Variants in EYS observed in about 807,000 individuals in gnomAD.
EYS encodes protein eyes shut homolog.
EYS carries 250 observed loss-of-function variants against 282.1 expected under a neutral mutation model. The observed-to-expected ratio is 0.89, with a 90% CI of 0.80 to 0.98. EYS has a LOEUF of 0.98. EYS is among the 50% of genes least tolerant of loss of function. The probability of loss-of-function intolerance (pLI) is 0.00; values close to 1 mark genes in which losing one functional copy is unlikely to be tolerated. For synonymous variants in EYS, 1,355 were observed against 1,282.9 expected, an observed-to-expected ratio of 1.06 and a Z score of -1.20; for missense variants, 4,016 against 3,709.0, an observed-to-expected ratio of 1.08 and a Z score of -2.15.
In EYS at chr6:65,443,323, T is replaced by G. The variant is rs957719609; in HGVS notation, c.863-37956A>C. On this transcript the variant is annotated intron_variant, in intron 5 of 42. Coordinates refer to ENST00000503581, the MANE Select transcript of EYS (RefSeq NM_001142800.2). ...ACATGTGTGTACACATATAGACATA[T>G]ATGCATACATGTATGTACACATATA... 5.3e-5 allele frequency among the ~76,000 whole-genome samples: 7 copies of G among 132,252 alleles called. 1 individual carries two copies. The highest frequency in any genetic ancestry group is 1.2e-4 in the Non-Finnish European group (7 of 58,018). The allele number at this position is 132,252 out of a possible 152,430, so 86.8% of individuals were successfully genotyped here.
At chr6:64,397,245 G>A (rs1032003189) in intron 28 of EYS, among the ~76,000 whole-genome samples, 2 of 151,876 alleles carry the variant, frequency 1.3e-5, no homozygotes, top group Non-Finnish European at 2.9e-5. Context: ...CATATGTTAA[G>A]GAATTTTTAC....
intron 41 of EYS, chr6:63,742,094 C>T (rs1562004767): frequency 1.5e-6 from 1 of 649,042 alleles, no homozygotes; most frequent in Non-Finnish European, 2.9e-6. Context: ...TTTAACTCTT[C>T]ACTTGTACAT....
chr6:64,725,744 G>A (rs560430114), intron 22 of EYS, among the ~76,000 whole-genome samples: 31 of 151,576 alleles, frequency 2.0e-4, no homozygotes, highest in Admixed American at 1.6e-3. Flanking sequence ...CATCCTCAAC[G>A]TTCATTTTAT....
At chr6:63,876,923 A>G (rs1772989081) in intron 35 of EYS, among the ~76,000 whole-genome samples, 1 of 152,016 alleles carries the variant, frequency 6.6e-6, no homozygotes. Context: ...TCTTTATCCA[A>G]TTTGCTAGTC....
At chr6:64,045,383 G>GTTTAT (rs548483513) in intron 33 of EYS, among the ~76,000 whole-genome samples, 18,638 of 137,284 alleles carry the variant, frequency 0.14, 1,327 homozygotes, top group Middle Eastern at 0.22. Flanking sequence ...GGTGAAACAA[G>GTTTAT]TTTATTTTAT....
intron 26 of EYS, among the ~76,000 whole-genome samples, chr6:64,587,261 C>A (rs1237225255): frequency 6.6e-6 from 1 of 151,972 alleles, no homozygotes. Context: ...TATAGGCTTG[C>A]TACCTTAGCT....
chr6:63,900,501 T>C (rs539367461), intron 35 of EYS, among the ~76,000 whole-genome samples: 25 of 152,238 alleles, frequency 1.6e-4, no homozygotes, highest in Admixed American at 2.6e-4. Flanking sequence ...ATCTTAAGGA[T>C]TGAGGCTGTG....
At chr6:64,371,293 G>A (rs1038866306) in intron 29 of EYS, among the ~76,000 whole-genome samples, 2 of 143,566 alleles carry the variant, frequency 1.4e-5, no homozygotes, top group African/African-American at 5.1e-5. Context: ...TCAGGAGCAG[G>A]TTGTTTGATT....
intron 8 of EYS, among the ~76,000 whole-genome samples, chr6:65,372,753 A>C (rs1170784468): frequency 2.0e-5 from 3 of 152,100 alleles, no homozygotes; most frequent in Non-Finnish European, 4.4e-5. Context: ...GAAGTTCGCC[A>C]TCCTTATGCC....
At chr6:64,223,266 T>G (rs1278712149) in intron 31 of EYS, among the ~76,000 whole-genome samples, 2 of 152,060 alleles carry the variant, frequency 1.3e-5, no homozygotes, top group East Asian at 3.8e-4. Flanking sequence ...TATTTTCTAC[T>G]TTCCATTTTT....
chr6:64,192,522 C>T (rs527706878), intron 31 of EYS, among the ~76,000 whole-genome samples: 18 of 152,062 alleles, frequency 1.2e-4, no homozygotes, highest in Middle Eastern at 3.4e-3. Flanking sequence ...TCAGAAATAA[C>T]GCCGCGTATC....
intron 22 of EYS, among the ~76,000 whole-genome samples, chr6:64,636,172 C>T (rs1466214881): frequency 6.6e-6 from 1 of 152,176 alleles, no homozygotes; most frequent in Non-Finnish European, 1.5e-5. Context: ...AAGCATCACG[C>T]TACCTGACTT....
intron 2 of EYS, among the ~76,000 whole-genome samples, chr6:65,637,565 T>C (rs1314047595): frequency 6.6e-6 from 1 of 152,154 alleles, no homozygotes; most frequent in Non-Finnish European, 1.5e-5. Context: ...CGCTGGACTC[T>C]AGCATCACTG....
At chr6:64,947,586 T>C (rs1351433868) in intron 14 of EYS, among the ~76,000 whole-genome samples, 3 of 151,762 alleles carry the variant, frequency 2.0e-5, no homozygotes, top group Non-Finnish European at 1.5e-5. Context: ...GCTCCCTACA[T>C]TGTTAACTTC....
Position 65,005,208 on chromosome 6 carries a change from G to A in EYS, c.2138-7505C>T, listed in dbSNP as rs888961037. ...CGCTGTGCTCCTGATCCAGCGAGGC[G>A]CCCATTGCCACTCCCGATCGGGCTA... On this transcript the variant is annotated intron_variant, in intron 13 of 42. Coordinates refer to ENST00000503581, the MANE Select transcript of EYS (RefSeq NM_001142800.2). 6.1e-5 allele frequency among the ~76,000 whole-genome samples: 9 copies of A among 148,058 alleles called. 2 individuals are homozygous for A. The highest frequency in any genetic ancestry group is 4.3e-4 in the South Asian group (2 of 4,606).
chr6:64,296,920 G>A (rs1769050725), intron 30 of EYS, among the ~76,000 whole-genome samples: 1 of 152,066 alleles, frequency 6.6e-6, no homozygotes, highest in Admixed American at 6.6e-5. Flanking sequence ...TATTTTTGAT[G>A]TAACTATTTT....
intron 12 of EYS, among the ~76,000 whole-genome samples, chr6:65,267,515 T>G (rs748276306): frequency 6.6e-6 from 1 of 152,048 alleles, no homozygotes; most frequent in Non-Finnish European, 1.5e-5. Flanking sequence ...TCACCCTAGA[T>G]CTGATGAATC....
intron 12 of EYS, among the ~76,000 whole-genome samples, chr6:65,150,330 T>G (rs1204309368): frequency 1.3e-5 from 2 of 151,876 alleles, no homozygotes; most frequent in Non-Finnish European, 2.9e-5. Flanking sequence ...AATTTAGGAG[T>G]TTTAATACTC....
At chr6:64,230,548 A>G (rs1468996940) in intron 31 of EYS, 44 bp downstream of exon 31, 1 of 1,385,380 alleles carries the variant, frequency 7.2e-7, no homozygotes, top group East Asian at 2.5e-5. Context: ...TTCTCTGGAG[A>G]GGTTTTTAAA....
Sources: allele counts gnomAD v4.1 joint callset (sites outside exome capture counted in the v4.1 genomes callset), GRCh38; gene constraint gnomAD v4.1.1; transcripts MANE v1.5; gene names NCBI Gene and HGNC (gene_info 2026-07-23, HGNC 2026-07-21).